The following KCNAB1 variants were observed in gnomAD, a reference collection of about 807,000 sequenced individuals.
KCNAB1 encodes the protein potassium voltage-gated channel subfamily A regulatory beta subunit 1, also known as voltage-gated potassium channel subunit beta-1.
KCNAB1 carries 35 observed loss-of-function variants against 64.6 expected under a neutral mutation model. The observed-to-expected ratio is 0.54, with a 90% confidence interval of 0.41 to 0.72. The LOEUF (loss-of-function observed/expected upper bound fraction) is 0.72. Among genes scored for constraint, KCNAB1 ranks in the 30% least tolerant of loss-of-function variants. The pLI is 0.00. For synonymous variants in KCNAB1, 177 were observed against 183.8 expected, an observed-to-expected ratio of 0.96 and a Z score of 0.30; for missense variants, 401 against 512.9, an observed-to-expected ratio of 0.78 and a Z score of 2.11.
chr3:156,224,085 C>T (rs1715984433), intron 1 of KCNAB1, among the ~76,000 whole-genome samples: 1 of 152,232 alleles, frequency 6.6e-6, no homozygotes, highest in Admixed American at 6.5e-5. Context: ...GCAGCTAAGG[C>T]CAGGTGAGAA....
At chr3:156,245,252 A>G (rs980130476) in intron 1 of KCNAB1, among the ~76,000 whole-genome samples, 1 of 152,080 alleles carries the variant, frequency 6.6e-6, no homozygotes, top group African/African-American at 2.4e-5. Context: ...ATTTTTATCG[A>G]CGTTATCCAT....
intron 1 of KCNAB1, among the ~76,000 whole-genome samples, chr3:156,258,033 C>A (rs1560162083): frequency 6.6e-6 from 1 of 152,168 alleles, no homozygotes; most frequent in South Asian, 2.1e-4. Context: ...CTTGCAATAA[C>A]CCTAGGCAGC....
intron 1 of KCNAB1, among the ~76,000 whole-genome samples, chr3:156,170,977 T>A (rs1711937575): frequency 6.6e-6 from 1 of 152,168 alleles, no homozygotes; most frequent in African/African-American, 2.4e-5. Flanking sequence ...CAAAGACAAA[T>A]TTTTCAGTTG....
chr3:156,290,261 A>AG (rs1720326472), intron 1 of KCNAB1, among the ~76,000 whole-genome samples: 1 of 152,166 alleles, frequency 6.6e-6, no homozygotes, highest in Non-Finnish European at 1.5e-5. Context: ...CTCCTTGAGG[A>AG]GGGGGACAGT....
chr3:156,196,206 C>T (rs750691409), intron 1 of KCNAB1, among the ~76,000 whole-genome samples: 1 of 152,046 alleles, frequency 6.6e-6, no homozygotes. Context: ...GTTTTTGTTA[C>T]GGTTGCCATG....
At chr3:156,268,066 T>C (rs1228781118) in intron 1 of KCNAB1, among the ~76,000 whole-genome samples, 1 of 151,584 alleles carries the variant, frequency 6.6e-6, no homozygotes, top group African/African-American at 2.4e-5. Context: ...TAACCATCAT[T>C]CTATTCTCTA....
At position 156,459,820 on chromosome 3, in the gene KCNAB1, C is replaced by T. The variant is rs1712759277; in HGVS notation, c.438-7C>T. On this transcript the variant is annotated splice_region_variant and splice_polypyrimidine_tract_variant and intron_variant, in intron 4 of 13. Transcript: ENST00000490337. ...CATTCTAAGACATTATCTGTTTCCC[C>T]TTCCAGGGCTGAAGTGATTCTGGGG... 6.2e-7 allele frequency: 1 copy of T among 1,603,708 alleles called. No individual in the cohort carries two copies.
intron 1 of KCNAB1, among the ~76,000 whole-genome samples, chr3:156,144,953 T>C (rs73876110): frequency 0.024 from 3,693 of 152,312 alleles, 162 homozygotes; most frequent in African/African-American, 0.084. Flanking sequence ...GAACACGTTC[T>C]TCAGACAGGT....
intron 3 of KCNAB1, among the ~76,000 whole-genome samples, chr3:156,455,259 A>G (rs540537623): frequency 6.6e-6 from 1 of 152,374 alleles, no homozygotes; most frequent in East Asian, 1.9e-4. Flanking sequence ...ACATGCAAAT[A>G]TGGAATACTA....
chr3:156,143,463 A>C, intron 1 of KCNAB1: 1 of 1,301,322 alleles, frequency 7.7e-7, no homozygotes, highest in Non-Finnish European at 1.0e-6. Flanking sequence ...CACTGCACTG[A>C]TGTCAAAGGT....
intron 1 of KCNAB1, among the ~76,000 whole-genome samples, chr3:156,409,285 A>G (rs1714472066): frequency 6.6e-6 from 1 of 152,216 alleles, no homozygotes; most frequent in Admixed American, 6.5e-5. Context: ...ATTTTAACCA[A>G]CTGGAATTAA....
chr3:156,510,503 G>A (rs924247143), intron 8 of KCNAB1, among the ~76,000 whole-genome samples: 1 of 152,034 alleles, frequency 6.6e-6, no homozygotes, highest in Admixed American at 6.6e-5. Flanking sequence ...CACTCCAAAT[G>A]GCACACAGGC....
intron 2 of KCNAB1, among the ~76,000 whole-genome samples, chr3:156,423,551 G>A (rs1213642158): frequency 6.6e-6 from 1 of 152,222 alleles, no homozygotes; most frequent in East Asian, 1.9e-4. Flanking sequence ...GGACAGAAGA[G>A]TGAATTGACC....
chr3:156,348,221 G>A (rs1367384607), intron 1 of KCNAB1, among the ~76,000 whole-genome samples: 2 of 152,082 alleles, frequency 1.3e-5, no homozygotes, highest in African/African-American at 2.4e-5. Context: ...AAAAAGGAGG[G>A]GATAGTAAAG....
At chr3:156,240,737 G>C (rs1219501169) in intron 1 of KCNAB1, among the ~76,000 whole-genome samples, 1 of 152,162 alleles carries the variant, frequency 6.6e-6, no homozygotes, top group Admixed American at 6.5e-5. Flanking sequence ...GCCTATCCAA[G>C]TTTTATTCAC....
intron 1 of KCNAB1, among the ~76,000 whole-genome samples, chr3:156,253,026 A>G (rs1717920456): frequency 6.6e-6 from 1 of 152,228 alleles, no homozygotes; most frequent in South Asian, 2.1e-4. Flanking sequence ...AGCAAAGAAA[A>G]GACCAAATTA....
chr3:156,519,233 T>TGCTTA (rs1717775192), intron 11 of KCNAB1, among the ~76,000 whole-genome samples: 1 of 152,228 alleles, frequency 6.6e-6, no homozygotes, highest in South Asian at 2.1e-4. Flanking sequence ...ATCATAACCC[T>TGCTTA]GCTTAAAATC....
intron 1 of KCNAB1, among the ~76,000 whole-genome samples, chr3:156,294,275 G>T (rs1409871686): frequency 6.6e-6 from 1 of 152,070 alleles, no homozygotes; most frequent in Non-Finnish European, 1.5e-5. Flanking sequence ...TGGGATCTTC[G>T]GTATATGTTG....
Position 156,453,821 on chromosome 3 carries a change from T to C in KCNAB1, c.357+885T>C, listed in dbSNP as rs540360502. ...AGTCCCACTCTACCATTGACCGACC[T>C]GGTTTACTAACATTTATGTGTACTA... On this transcript the variant is annotated intron_variant, in intron 3 of 13. Coordinates refer to ENST00000490337, the MANE Select transcript of KCNAB1 (RefSeq NM_172160.3). 6.6e-5 allele frequency among the ~76,000 whole-genome samples: 10 copies of C among 152,306 alleles called. No individual in the cohort carries two copies. In the South Asian group the frequency reaches 8.3e-4, roughly 13 times the overall value.
Sources: allele counts gnomAD v4.1 joint callset (sites outside exome capture counted in the v4.1 genomes callset), GRCh38; gene constraint gnomAD v4.1.1; transcripts MANE v1.5; gene names NCBI Gene and HGNC (gene_info 2026-07-23, HGNC 2026-07-21).